The following IL1RAPL1 variants were observed in gnomAD, a reference collection of about 807,000 sequenced individuals.
IL1RAPL1 encodes interleukin 1 receptor accessory protein like 1.
Under a neutral mutation model 48.4 loss-of-function variants are expected in IL1RAPL1, and 3 were observed. The ratio of observed to expected loss-of-function variants is 0.06; its 90% confidence interval spans 0.03 to 0.16. IL1RAPL1 has a LOEUF of 0.16. IL1RAPL1 is among the 10% of genes least tolerant of loss of function. The pLI is 1.00. For synonymous variants in IL1RAPL1, 185 were observed against 187.7 expected, an observed-to-expected ratio of 0.99 and a Z score of 0.12; for missense variants, 349 against 530.6, an observed-to-expected ratio of 0.66 and a Z score of 3.36.
intron 5 of IL1RAPL1, among the ~76,000 whole-genome samples, chrX:29,502,378 C>T (rs5972271): frequency 9.1e-6 from 1 of 110,045 alleles, no homozygotes; most frequent in Non-Finnish European, 1.9e-5. Context: ...AGTGAAAGTG[C>T]GCATCCTTGT....
chrX:29,514,942 T>C (rs1161920531), intron 5 of IL1RAPL1, among the ~76,000 whole-genome samples: 1 of 112,656 alleles, frequency 8.9e-6, no homozygotes, highest in Non-Finnish European at 1.9e-5. Context: ...AAATATAATA[T>C]TCCCTTTTGC....
chrX:28,954,769 G>A (rs1023826293), intron 2 of IL1RAPL1, among the ~76,000 whole-genome samples: 10 of 111,287 alleles, frequency 9.0e-5, no homozygotes, highest in Non-Finnish European at 1.9e-5. Flanking sequence ...TCTGAACAAC[G>A]TGAACCTAAG....
chrX:29,828,506 A>G (rs148099196), intron 6 of IL1RAPL1, among the ~76,000 whole-genome samples: 2,134 of 111,756 alleles, frequency 0.019, 51 homozygotes, highest in African/African-American at 0.066. Context: ...CTTGTTGATG[A>G]ATCATATGTG....
intron 2 of IL1RAPL1, among the ~76,000 whole-genome samples, chrX:29,021,215 G>GAAAAAAAAAAAAAAAAAAAAAAAAAAA (rs746008500): frequency 2.4e-5 from 1 of 41,957 alleles, no homozygotes; most frequent in Non-Finnish European, 4.0e-5. Flanking sequence ...CCGTCTCAAG[G>GAAAAAAAAAAAAAAAAAAAAAAAAAAA]AAAAAAAAAA....
intron 6 of IL1RAPL1, among the ~76,000 whole-genome samples, chrX:29,730,237 T>TA (rs1374508503): frequency 8.9e-6 from 1 of 112,011 alleles, no homozygotes; most frequent in African/African-American, 3.2e-5. Context: ...ACTCTGCTAA[T>TA]AAAATCCAGC....
At chrX:29,068,293 G>A (rs1927491781) in intron 2 of IL1RAPL1, among the ~76,000 whole-genome samples, 1 of 112,204 alleles carries the variant, frequency 8.9e-6, no homozygotes, top group African/African-American at 3.2e-5. Flanking sequence ...TATTCATTGA[G>A]TAGCTTTTAA....
intron 5 of IL1RAPL1, among the ~76,000 whole-genome samples, chrX:29,642,234 T>C (rs1925188133): frequency 8.9e-6 from 1 of 112,307 alleles, no homozygotes; most frequent in African/African-American, 3.2e-5. Context: ...GAGTGAGAAG[T>C]GAGGCATCTT....
At chrX:29,705,066 C>T (rs1300927850) in intron 6 of IL1RAPL1, among the ~76,000 whole-genome samples, 7 of 111,407 alleles carry the variant, frequency 6.3e-5, no homozygotes, top group Non-Finnish European at 9.4e-5. Context: ...TTAAATTCAT[C>T]GTTCAATATT....
intron 2 of IL1RAPL1, among the ~76,000 whole-genome samples, chrX:28,795,682 T>C (rs1050617610): frequency 1.8e-5 from 2 of 111,146 alleles, no homozygotes; most frequent in African/African-American, 6.5e-5. Context: ...TATTAACTTG[T>C]ATTCCAACTT....
chrX:29,455,313 T>C (rs1196731608), intron 5 of IL1RAPL1, among the ~76,000 whole-genome samples: 1 of 112,245 alleles, frequency 8.9e-6, no homozygotes, highest in Non-Finnish European at 1.9e-5. Context: ...TTAGTTTTTG[T>C]TTTAACCAAA....
intron 1 of IL1RAPL1, among the ~76,000 whole-genome samples, chrX:28,778,746 A>G (rs138103963): frequency 0.024 from 2,726 of 111,697 alleles, 88 homozygotes; most frequent in African/African-American, 0.084. Flanking sequence ...AGTGTATGAA[A>G]CATATCAATT....
chrX:29,385,032 G>A (rs1429925994), intron 3 of IL1RAPL1, among the ~76,000 whole-genome samples: 1 of 111,151 alleles, frequency 9.0e-6, no homozygotes, highest in Non-Finnish European at 1.9e-5. Context: ...TTTTTTAACT[G>A]TGGTAAAATA....
At chrX:29,943,146 C>T (rs1257271074) in intron 9 of IL1RAPL1, among the ~76,000 whole-genome samples, 2 of 111,828 alleles carry the variant, frequency 1.8e-5, no homozygotes, top group Non-Finnish European at 3.8e-5. Context: ...AGGGTGAAGC[C>T]TGAGCTGCAG....
intron 2 of IL1RAPL1, among the ~76,000 whole-genome samples, chrX:29,172,397 G>A (rs1929925922): frequency 9.0e-6 from 1 of 111,365 alleles, no homozygotes; most frequent in South Asian, 3.8e-4. Context: ...CTCAGGAGTT[G>A]GAGCCCAGCA....
intron 3 of IL1RAPL1, among the ~76,000 whole-genome samples, chrX:29,366,623 C>T (rs1201378474): frequency 1.2e-5 from 1 of 82,679 alleles, no homozygotes; most frequent in African/African-American, 5.0e-5. Flanking sequence ...GGCTGGAGTG[C>T]AGTGGCGCGA....
At chrX:29,485,788 A>C (rs1935088936) in intron 5 of IL1RAPL1, among the ~76,000 whole-genome samples, 1 of 111,504 alleles carries the variant, frequency 9.0e-6, no homozygotes, top group Non-Finnish European at 1.9e-5. Context: ...CCTTGATGTC[A>C]TCACACTTCT....
intron 5 of IL1RAPL1, among the ~76,000 whole-genome samples, chrX:29,634,220 G>A (rs1474041623): frequency 9.0e-6 from 1 of 111,682 alleles, no homozygotes; most frequent in Non-Finnish European, 1.9e-5. Flanking sequence ...CTGGATTCAG[G>A]GGTAAAGGCT....
Position 29,511,290 on chromosome X carries a change from G to A in IL1RAPL1, c.703+111982G>A, listed in dbSNP as rs184589477. ...TTTAAAAAATAAATAAACCTCATTT[G>A]GGGTTCTTTCACTTTCTTAACCATT... On this transcript the variant is annotated intron_variant, in intron 5 of 10. Transcript: ENST00000378993. Among the ~76,000 whole-genome samples, 309 of 111,669 alleles carry A rather than the reference G, an allele frequency of 2.8e-3. 1 individual carries two copies. The highest frequency in any genetic ancestry group is 9.6e-3 in the African/African-American group (294 of 30,774).
chrX:28,784,984 G>C (rs764317768), intron 1 of IL1RAPL1, among the ~76,000 whole-genome samples: 1 of 111,786 alleles, frequency 8.9e-6, no homozygotes, highest in Non-Finnish European at 1.9e-5. Context: ...ATTGTTGCTT[G>C]TTTTGAATGT....
Sources: gnomAD v4.1 joint callset for allele counts (sites outside exome capture counted in the v4.1 genomes callset) on GRCh38, gnomAD v4.1.1 for gene constraint, MANE v1.5 for transcripts, NCBI Gene and HGNC (gene_info 2026-07-23, HGNC 2026-07-21) for gene names.